The following BTBD8 variants were observed in gnomAD, a reference collection of about 807,000 sequenced individuals.
BTBD8 encodes the protein BTB/POZ domain-containing protein 8.
Under a neutral mutation model 162.9 loss-of-function variants are expected in BTBD8, and 110 were observed. The observed-to-expected ratio is 0.68, with a 90% confidence interval of 0.58 to 0.79. The LOEUF is 0.79. Among genes scored for constraint, BTBD8 ranks in the 30% least tolerant of loss-of-function variants. The pLI is 0.00. For missense variants in BTBD8, 1,905 were observed against 2,085.4 expected, an observed-to-expected ratio of 0.91 and a Z score of 1.68; for synonymous variants, 667 against 716.1, an observed-to-expected ratio of 0.93 and a Z score of 1.10.
In BTBD8 at chr1:92,176,893, A is replaced by AAG; in HGVS notation, c.1703_1704dup (p.Cys569SerfsTer12). On this transcript the variant is annotated frameshift_variant, in exon 14 of 18. Transcript: ENST00000636805. LOFTEE classifies it high-confidence loss of function. The stretch of plus-strand genomic sequence containing the variant: ...AAATCTTGGAGGGGAAATAACAAGA[A>AAG]AGAGTGTTGGAGTTATCTCTCTACT... The AAG allele has an allele frequency of 6.6e-7, 1 of 1,507,160 alleles. No individual in the cohort carries two copies. The highest frequency in any genetic ancestry group is 1.7e-4 in the Middle Eastern group (1 of 5,756). The allele number at this position is 1,507,160 out of a possible 1,614,324, so 93.4% of individuals were successfully genotyped here. A position where few individuals can be genotyped will look rare whatever the true frequency, so the allele number is the denominator to read the frequency against.
At chr1:92,176,139 A>G (rs1306207787) in intron 13 of BTBD8, among the ~76,000 whole-genome samples, 2 of 152,218 alleles carry the variant, frequency 1.3e-5, no homozygotes, top group African/African-American at 4.8e-5. Flanking sequence ...AAGGACTCCA[A>G]GAAGTAAAGG....
chr1:92,133,734 G>T (rs1433817392), intron 5 of BTBD8, among the ~76,000 whole-genome samples: 1 of 152,222 alleles, frequency 6.6e-6, no homozygotes, highest in Non-Finnish European at 1.5e-5. Context: ...ACTTTGGGAG[G>T]CTGAGGCGGG....
At chr1:92,170,575 G>A (rs1029516846) in intron 12 of BTBD8, among the ~76,000 whole-genome samples, 1 of 152,102 alleles carries the variant, frequency 6.6e-6, no homozygotes, top group Non-Finnish European at 1.5e-5. Context: ...CATGGAAGAT[G>A]CATGGTAGTT....
At chr1:92,127,479 G>A (rs1343784519) in intron 4 of BTBD8, among the ~76,000 whole-genome samples, 1 of 152,210 alleles carries the variant, frequency 6.6e-6, no homozygotes, top group African/African-American at 2.4e-5. Flanking sequence ...AAAGGGAGAA[G>A]TGTCAAGCTG....
chr1:92,147,603 T>C (rs1649954820), intron 8 of BTBD8, 81 bp from the exon 9 acceptor site: 2 of 1,030,214 alleles, frequency 1.9e-6, no homozygotes, highest in African/African-American at 3.2e-5. Flanking sequence ...TGTACAGTTA[T>C]GTAATTGAAA....
intron 4 of BTBD8, among the ~76,000 whole-genome samples, chr1:92,120,840 C>A (rs1205260826): frequency 6.6e-6 from 1 of 152,166 alleles, no homozygotes; most frequent in Non-Finnish European, 1.5e-5. Flanking sequence ...TCAGCTCACT[C>A]CTACCTGCAC....
chr1:92,082,018 G>A (rs1648031700), intron 1 of BTBD8, among the ~76,000 whole-genome samples: 1 of 152,164 alleles, frequency 6.6e-6, no homozygotes, highest in Admixed American at 6.5e-5. Flanking sequence ...TCTCTACCAG[G>A]GAGGGACTGA....
chr1:92,085,824 G>A (rs1231929094), intron 1 of BTBD8, among the ~76,000 whole-genome samples: 1 of 152,130 alleles, frequency 6.6e-6, no homozygotes, highest in African/African-American at 2.4e-5. Context: ...GCTCAGTGTT[G>A]GGGTGATCAG....
chr1:92,080,447 T>G lies in BTBD8; in HGVS notation c.-125T>G. ...TACAAACCGACGAGAGGCGTCAACC[T>G]TTTACCCTAGGGGGCGGATTTGGGT... On this transcript the variant is annotated 5_prime_UTR_variant, in exon 1 of 18. Coordinates refer to ENST00000636805, the MANE Select transcript of BTBD8 (RefSeq NM_001376131.1). The G allele has an allele frequency of 7.1e-7, 1 of 1,414,724 alleles. No individual in the cohort carries two copies. Among genetic ancestry groups the G allele is most frequent in the Non-Finnish European group, 9.4e-7 (1 of 1,060,414 alleles). 87.6% of individuals were successfully genotyped at this position (1,414,724 alleles called of 1,614,324 possible).
At position 92,181,187 on chromosome 1, in the gene BTBD8, T is replaced by C. The variant is rs1350019764; in HGVS notation, c.3504T>C (p.Val1168=). Residue 1168 remains valine, a synonymous_variant, in exon 17 of 18, where the codon GTT becomes GTC. Transcript: ENST00000636805. ...CTCAAGAAGACAAAAAATCGAAAGT[T>C]CCTGTGGAAGGACTGACAATTCCTA... The part of the protein sequence containing the change: ...NSAQEDKKSK[V]PVEGLTIPSK... The C allele has an allele frequency of 6.4e-7, 1 of 1,551,704 alleles. No individual in the cohort carries two copies. Among genetic ancestry groups the C allele is most frequent in the Admixed American group, 2.0e-5 (1 of 51,006 alleles).
rs1411784436 is a variant in BTBD8, at chr1:92,130,561, CACACACAT to C, written c.752+787_752+794del. Among the ~76,000 whole-genome samples, 95 of 147,256 alleles carry C rather than the reference CACACACAT, an allele frequency of 6.5e-4. 1 individual carries two copies. In the South Asian group the frequency reaches 0.015, roughly 22 times the overall value. On this transcript the variant is annotated intron_variant, in intron 5 of 17. Coordinates refer to ENST00000636805, the MANE Select transcript of BTBD8 (RefSeq NM_001376131.1). ...ATTTACACACACACACACACACACA[CACACACAT>C]ATACGCACACACACATATATATACA...
intron 4 of BTBD8, among the ~76,000 whole-genome samples, chr1:92,128,608 C>T (rs1649425338): frequency 2.0e-5 from 3 of 151,266 alleles, no homozygotes; most frequent in South Asian, 4.2e-4. Context: ...TTAGCACAGA[C>T]AGGGTTTCAT....
chr1:92,139,532 A>T, intron 6 of BTBD8, 102 bp downstream of exon 6: 4 of 1,480,028 alleles, frequency 2.7e-6, no homozygotes, highest in Non-Finnish European at 2.7e-6. Context: ...TGCTTTTTAT[A>T]GTCTATTATA....
In BTBD8 at chr1:92,181,079, T is replaced by C. The variant is rs370105276; in HGVS notation, c.3396T>C (p.Asp1132=). 6.4e-7 allele frequency: 1 copy of C among 1,551,558 alleles called. No individual in the cohort carries two copies. The highest frequency in any genetic ancestry group is 1.2e-5 in the South Asian group (1 of 84,068). The change falls in exon 17 of 18, where the codon GAT becomes GAC. Residue 1132 remains aspartate, a synonymous_variant. Coordinates refer to ENST00000636805, the MANE Select transcript of BTBD8 (RefSeq NM_001376131.1). ...SDRENQVGRK[D]TNKQSSIKCV... is the part of the protein sequence containing the mutation. ...GGGAGAACCAAGTAGGGAGAAAAGA[T>C]ACAAACAAACAATCAAGTATTAAAT...
chr1:92,092,755 T>G (rs934507568), intron 2 of BTBD8, among the ~76,000 whole-genome samples: 5 of 152,162 alleles, frequency 3.3e-5, no homozygotes, highest in Admixed American at 2.6e-4. Flanking sequence ...GATTTTCGGG[T>G]TTTTATGTCC....
chr1:92,169,454 T>C (rs114198185), intron 12 of BTBD8, among the ~76,000 whole-genome samples: 2,475 of 152,304 alleles, frequency 0.016, 39 homozygotes, highest in Non-Finnish European at 0.022. Context: ...GGTTCAATGA[T>C]GTGGAGTGTG....
intron 3 of BTBD8, among the ~76,000 whole-genome samples, chr1:92,106,090 G>A (rs962917121): frequency 1.3e-5 from 2 of 152,180 alleles, no homozygotes; most frequent in Non-Finnish European, 2.9e-5. Context: ...TTCTGCCTTT[G>A]GATTAGTCTC....
intron 5 of BTBD8, among the ~76,000 whole-genome samples, chr1:92,135,984 T>G (rs916771444): frequency 1.3e-5 from 2 of 152,208 alleles, no homozygotes; most frequent in African/African-American, 2.4e-5. Flanking sequence ...ACAGATAATA[T>G]GCTTAATTAT....
Position 92,181,837 on chromosome 1 carries a change from CAG to C in BTBD8, c.4156_4157del (p.Glu1386ArgfsTer2). The C allele has an allele frequency of 1.9e-6, 3 of 1,551,048 alleles. No individual in the cohort carries two copies. Among genetic ancestry groups the C allele is most frequent in the Non-Finnish European group, 1.7e-6 (2 of 1,146,892 alleles). On this transcript the variant is annotated frameshift_variant, in exon 17 of 18. Coordinates refer to ENST00000636805, the MANE Select transcript of BTBD8 (RefSeq NM_001376131.1). LOFTEE classifies it high-confidence loss of function. ...CAGGTATCTTCTTCAGCAGATGAAA[CAG>C]AAGATGAAAGATCTGAAGCTGAAAA...
Sources: gnomAD v4.1 joint callset for allele counts (sites outside exome capture counted in the v4.1 genomes callset) on GRCh38, gnomAD v4.1.1 for gene constraint, MANE v1.5 for transcripts, NCBI Gene and HGNC (gene_info 2026-07-23, HGNC 2026-07-21) for gene names.